The following USH2A variants were observed in gnomAD, a reference collection of about 807,000 sequenced individuals.
The protein encoded by USH2A is Usher syndrome 2A (autosomal recessive, mild).
A neutral mutation model predicts 538.9 loss-of-function variants in USH2A; 443 were observed. The observed-to-expected ratio is 0.82, with a 90% CI of 0.76 to 0.89. The LOEUF (loss-of-function observed/expected upper bound fraction) is 0.89. Among genes scored for constraint, USH2A ranks in the 40% least tolerant of loss-of-function variants. USH2A has a pLI of 0.00. For synonymous variants in USH2A, 2,413 were observed against 2,273.5 expected, an observed-to-expected ratio of 1.06 and a Z score of -1.75; for missense variants, 6,633 against 6,324.8, an observed-to-expected ratio of 1.05 and a Z score of -1.65.
In USH2A at chr1:215,799,118, T is replaced by A. The variant is rs754904571; in HGVS notation, c.9747A>T (p.Val3249=). The change falls in exon 50 of 72, where the codon GTA becomes GTT. Residue 3249 remains valine (V), a synonymous_variant. Transcript: ENST00000307340. ...GYYARILPGE[V]CCPDEQHNRV... is the part of the protein sequence containing the mutation. Reference sequence around the variant, plus strand: ...GATTGTGCTGTTCATCTGGACAGCATACTTCACCTGTCAATTTAGGACAAT... The same window carrying A: ...GATTGTGCTGTTCATCTGGACAGCAAACTTCACCTGTCAATTTAGGACAAT... 8.1e-6 allele frequency: 13 copies of A among 1,613,592 alleles called. No individual in the cohort carries two copies. In the South Asian group the frequency reaches 1.4e-4, roughly 18 times the overall value.
intron 32 of USH2A, among the ~76,000 whole-genome samples, chr1:216,008,444 C>A (rs1668459909): frequency 6.6e-6 from 1 of 152,108 alleles, no homozygotes; most frequent in African/African-American, 2.4e-5. Flanking sequence ...CCCCTATCTC[C>A]CTTCGCTGAC....
rs776741864 is a variant in USH2A at position 216,321,929 on chromosome 1, G to A, written c.1598C>T (p.Pro533Leu). 1 of 1,613,852 alleles carries A rather than the reference G, an allele frequency of 6.2e-7. No homozygotes were observed. Among genetic ancestry groups the A allele is most frequent in the Non-Finnish European group, 8.5e-7 (1 of 1,179,872 alleles). Residue 533 changes from proline (P) to leucine (L), a missense_variant, in exon 9 of 72, where the codon CCA becomes CTA. By Grantham distance (98) the Pro-to-Leu change is moderately conservative (BLOSUM62 -3). Coordinates refer to ENST00000307340, the MANE Select transcript of USH2A (RefSeq NM_206933.4). ...CTCCTGGGAGCAGAGGCATCTATAT[G>A]GCTGGCTTGTTGTGTCGCAGTTATC... Reference protein sequence around the residue: ...HADNCDTTSQPYRCLCSQESF... With the variant: ...HADNCDTTSQLYRCLCSQESF...
chr1:216,327,448 C>A, intron 5 of USH2A, 143 bp downstream of exon 5: 1 of 943,734 alleles, frequency 1.1e-6, no homozygotes, highest in Non-Finnish European at 1.6e-6. Flanking sequence ...TAAGCCAAAG[C>A]AAACACTGTA....
chr1:215,636,648 A>T (rs934919797), intron 69 of USH2A, among the ~76,000 whole-genome samples: 2 of 152,162 alleles, frequency 1.3e-5, no homozygotes, highest in East Asian at 3.9e-4. Flanking sequence ...ACGCAGGGGA[A>T]GGGAGGGCAG....
At chr1:215,715,919 TTG>T (rs1659469752) in intron 61 of USH2A, among the ~76,000 whole-genome samples, 1 of 152,226 alleles carries the variant, frequency 6.6e-6, no homozygotes, top group Non-Finnish European at 1.5e-5. Flanking sequence ...ATGGCTCAAT[TTG>T]TGTAATAACC....
chr1:215,680,329 T>A lies in USH2A; in HGVS notation c.12114A>T (p.Thr4038=). The A allele has an allele frequency of 6.2e-7, 1 of 1,614,106 alleles. No homozygotes were observed. Among genetic ancestry groups the A allele is most frequent in the Non-Finnish European group, 8.5e-7 (1 of 1,179,992 alleles). The change falls in exon 62 of 72, where the codon ACA becomes ACT. Residue 4038 remains threonine (T), a synonymous_variant. Transcript: ENST00000307340. Reference sequence around the variant, plus strand: ...TTGCAGCCACAACACCAATGCGATATGTTGTGAATGGTTCTAACCCGTACA... The same window carrying A: ...TTGCAGCCACAACACCAATGCGATAAGTTGTGAATGGTTCTAACCCGTACA... The part of the protein sequence containing the change: ...AHLYGLEPFT[T]YRIGVVAANH...
intron 40 of USH2A, among the ~76,000 whole-genome samples, chr1:215,894,303 G>T (rs562621337): frequency 6.6e-6 from 1 of 152,248 alleles, no homozygotes; most frequent in South Asian, 2.1e-4. Context: ...TTTTAAGGAT[G>T]CAAGTGAAAC....
intron 30 of USH2A, among the ~76,000 whole-genome samples, chr1:216,053,586 C>T (rs1030355060): frequency 1.3e-5 from 2 of 151,788 alleles, no homozygotes; most frequent in African/African-American, 2.4e-5. Context: ...CTGCTAGTCC[C>T]TCTAGGTAAT....
chr1:216,014,097 G>GAA (rs558876642), intron 32 of USH2A, among the ~76,000 whole-genome samples: 6 of 151,790 alleles, frequency 4.0e-5, no homozygotes, highest in Non-Finnish European at 7.4e-5. Flanking sequence ...GAGAGAGAGA[G>GAA]AGAGAAGAGA....
At chr1:215,934,269 T>C (rs1666435994) in intron 38 of USH2A, among the ~76,000 whole-genome samples, 1 of 152,000 alleles carries the variant, frequency 6.6e-6, no homozygotes, top group Admixed American at 6.6e-5. Context: ...ATTGCAAATA[T>C]AAATTTTGGC....
At chr1:216,145,484 T>A (rs2033678399) in intron 21 of USH2A, among the ~76,000 whole-genome samples, 1 of 152,126 alleles carries the variant, frequency 6.6e-6, no homozygotes, top group South Asian at 2.1e-4. Context: ...ATTTTAAGAT[T>A]AAAAAAAATC....
chr1:215,736,476 A>C (rs969172910), intron 60 of USH2A, among the ~76,000 whole-genome samples: 1 of 151,956 alleles, frequency 6.6e-6, no homozygotes, highest in African/African-American at 2.4e-5. Flanking sequence ...ATGTTGATAA[A>C]CTAGTTAGCA....
At chr1:215,966,358 C>T (rs1038069474) in intron 36 of USH2A, among the ~76,000 whole-genome samples, 5 of 152,146 alleles carry the variant, frequency 3.3e-5, no homozygotes, top group African/African-American at 9.7e-5. Flanking sequence ...ACAAACTCAT[C>T]AGCATCACTC....
rs1343900269 is a variant in USH2A, at chr1:215,674,321, T to C, written c.13590A>G (p.Ser4530=). Residue 4530 remains serine, a synonymous_variant, in exon 63 of 72, where the codon TCA becomes TCG. Transcript: ENST00000307340. Reference sequence around the variant, plus strand: ...TTGGAGGTTCCATCCCTGAGGGTGCTGAGGGGCTGGTTCGATCTTTGACAA... The same window carrying C: ...TTGGAGGTTCCATCCCTGAGGGTGCCGAGGGGCTGGTTCGATCTTTGACAA... The part of the protein sequence containing the change: ...SPLVKDRTSP[S]APSGMEPPKL... 1.2e-6 allele frequency: 2 copies of C among 1,613,990 alleles called. No homozygotes were observed. Among genetic ancestry groups the C allele is most frequent in the East Asian group, 2.2e-5 (1 of 44,852 alleles).
At chr1:216,059,864 G>A (rs1187825332) in intron 30 of USH2A, among the ~76,000 whole-genome samples, 2 of 152,150 alleles carry the variant, frequency 1.3e-5, no homozygotes, top group Non-Finnish European at 2.9e-5. Flanking sequence ...GAGGGGGCTG[G>A]TTGGAAATGC....
intron 37 of USH2A, among the ~76,000 whole-genome samples, chr1:215,963,822 A>G (rs1667263014): frequency 6.6e-6 from 1 of 152,134 alleles, no homozygotes; most frequent in South Asian, 2.1e-4. Context: ...TAACATGTAG[A>G]GGGTCATTAC....
At chr1:215,923,538 T>C (rs4288568) in intron 38 of USH2A, among the ~76,000 whole-genome samples, 14,913 of 152,074 alleles carry the variant, frequency 0.098, 1,093 homozygotes, top group African/African-American at 0.2. Flanking sequence ...CTGTCATTCC[T>C]GAAAAAAAAT....
chr1:215,650,782 G>A lies in USH2A; in HGVS notation c.14153C>T (p.Ala4718Val). Reference protein sequence around the residue: ...YEYQVWAVNSAGKAPSSWTWC... With the variant: ...YEYQVWAVNSVGKAPSSWTWC... ...TGTCCAGCTACTGGGGGCTTTTCCT[G>A]CAGAATTCACTGCCCAGACCTCCAA... The change falls in exon 65 of 72, where the codon GCA (alanine) becomes GTA (valine). Residue 4718 changes from alanine (A) to valine (V), a missense_variant. By Grantham distance (64) the Ala-to-Val change is moderately conservative. Transcript: ENST00000307340. 1.2e-6 allele frequency: 2 copies of A among 1,610,968 alleles called. No individual in the cohort carries two copies. Among genetic ancestry groups the A allele is most frequent in the Non-Finnish European group, 1.7e-6 (2 of 1,179,566 alleles).
chr1:216,091,420 A>C (rs1041972504), intron 22 of USH2A, among the ~76,000 whole-genome samples: 2 of 152,330 alleles, frequency 1.3e-5, no homozygotes, highest in East Asian at 3.9e-4. Flanking sequence ...TAAGTGAAGA[A>C]TGGGAAAATT....
Sources: gnomAD v4.1 joint callset for allele counts (sites outside exome capture counted in the v4.1 genomes callset) on GRCh38, gnomAD v4.1.1 for gene constraint, MANE v1.5 for transcripts, NCBI Gene and HGNC (gene_info 2026-07-23, HGNC 2026-07-21) for gene names.